The following CAND1 variants were observed in gnomAD, a reference collection of about 807,000 sequenced individuals.
CAND1 encodes cullin associated and neddylation dissociated 1.
Under a neutral mutation model 108.5 loss-of-function variants are expected in CAND1, and 7 were observed. The observed-to-expected ratio is 0.06, with a 90% CI of 0.04 to 0.12. The LOEUF (loss-of-function observed/expected upper bound fraction) is 0.12. CAND1 is among the 10% of genes least tolerant of loss of function. The pLI is 1.00. For synonymous variants in CAND1, 534 were observed against 512.0 expected (o/e 1.04, Z -0.58); for missense variants, 941 against 1,448.7 (o/e 0.65, Z 5.69).
In CAND1 at chr12:67,319,867, T is replaced by A. The variant is rs1286801080; in HGVS notation, c.*7037T>A. 1.3e-5 allele frequency: 2 copies of A among 152,230 alleles called. No homozygotes were observed. The highest frequency in any genetic ancestry group is 2.9e-5 in the Non-Finnish European group (2 of 68,022). The allele number at this position is 152,230 out of a possible 1,614,324, so 9.4% of individuals were successfully genotyped here. On this transcript the variant is annotated 3_prime_UTR_variant, in exon 15 of 15. Transcript: ENST00000545606. The stretch of plus-strand genomic sequence containing the variant: ...AATTCTTGGGCCTTCCTTCTTGCTC[T>A]ATATATGGTTTTGGATTCATTCCTT...
At chr12:67,298,902 AAGG>A (rs780510457) in intron 6 of CAND1, 45 bp from the exon 7 acceptor site, 1 of 1,110,884 alleles carries the variant, frequency 9.0e-7, no homozygotes, top group African/African-American at 1.7e-5. Context: ...GTAATGAATC[AAGG>A]AGTAAAATGC....
In CAND1 at chr12:67,316,926, T is replaced by G. The variant is rs2045012780; in HGVS notation, c.*4096T>G. 1 of 151,994 alleles carries G rather than the reference T, an allele frequency of 6.6e-6. No homozygotes were observed. Among genetic ancestry groups the G allele is most frequent in the Non-Finnish European group, 1.5e-5 (1 of 68,028 alleles). 9.4% of individuals were successfully genotyped at this position (151,994 alleles called of 1,614,324 possible). A position where few individuals can be genotyped will look rare whatever the true frequency, so the allele number is the denominator to read the frequency against. ...CACTTTGGGAGGCCAAGGTGGGGGA[T>G]CACTTGAAGACAGGAGTTGGAGACC... is the stretch of plus-strand genomic sequence containing the variant. On this transcript the variant is annotated 3_prime_UTR_variant, in exon 15 of 15. Coordinates refer to ENST00000545606, the MANE Select transcript of CAND1 (RefSeq NM_018448.5).
chr12:67,275,478 AT>A lies in CAND1; in HGVS notation c.68+5695del, dbSNP rs371998078. Among the ~76,000 whole-genome samples, 35 of 152,022 alleles carry A rather than the reference AT, an allele frequency of 2.3e-4. No homozygotes were observed. In the East Asian group the frequency reaches 4.5e-3, roughly 19 times the overall value. On this transcript the variant is annotated intron_variant, in intron 1 of 14. Coordinates refer to ENST00000545606, the MANE Select transcript of CAND1 (RefSeq NM_018448.5). ...CGAGGCAGAGGTTGCGTGAGCAGAG[AT>A]TGCACCACTGCACTGTGGCCTGGGT...
At chr12:67,283,822 T>G (rs2044642922) in intron 2 of CAND1, among the ~76,000 whole-genome samples, 1 of 152,312 alleles carries the variant, frequency 6.6e-6, no homozygotes, top group South Asian at 2.1e-4. Context: ...GTATCTTTAC[T>G]CATTAGGAAC....
chr12:67,287,187 T>C (rs939144627), intron 2 of CAND1, among the ~76,000 whole-genome samples: 3 of 152,300 alleles, frequency 2.0e-5, no homozygotes, highest in Non-Finnish European at 2.9e-5. Flanking sequence ...CCTCTCCCAA[T>C]TGTAACAATC....
rs2044886863 is a variant in CAND1 at position 67,306,452 on chromosome 12, T to C, written c.2784T>C (p.Tyr928=). 2 of 1,613,924 alleles carry C rather than the reference T, an allele frequency of 1.2e-6. No individual in the cohort carries two copies. The highest frequency in any genetic ancestry group is 2.7e-5 in the African/African-American group (2 of 74,918). ...CATCAGTGGTGGGCCTTAAACCATA[T>C]GTTGAAAACATCTGGGCCTTATTAC... ...SSASVVGLKP[Y]VENIWALLLK... Residue 928 remains tyrosine (Y), a synonymous_variant, in exon 10 of 15, where the codon TAT becomes TAC. Transcript: ENST00000545606.
Position 67,289,058 on chromosome 12 carries a change from G to A in CAND1, c.213-3564G>A, listed in dbSNP as rs540711233. Among the ~76,000 whole-genome samples the A allele has an allele frequency of 1.1e-3, 170 of 152,186 alleles. 1 individual carries two copies. The highest frequency in any genetic ancestry group is 3.8e-3 in the African/African-American group (158 of 41,494). ...TTTCAAGATTGGTGTATGTGCATAT[G>A]TATCTTCTTTATTTCTTGTTTTGTC... On this transcript the variant is annotated intron_variant, in intron 2 of 14. Transcript: ENST00000545606.
intron 4 of CAND1, 65 bp downstream of exon 4, chr12:67,295,221 C>G (rs897551228): frequency 6.3e-5 from 88 of 1,392,622 alleles, no homozygotes; most frequent in Non-Finnish European, 7.9e-5. Context: ...ACTAAAAACC[C>G]TTTCTAGTAA....
At chr12:67,274,171 G>A (rs561603772) in intron 1 of CAND1, among the ~76,000 whole-genome samples, 24 of 152,290 alleles carry the variant, frequency 1.6e-4, no homozygotes, top group African/African-American at 5.5e-4. Context: ...TTTCATGCTA[G>A]AAGATGCTTT....
At chr12:67,271,414 G>A (rs1023508686) in intron 1 of CAND1, among the ~76,000 whole-genome samples, 2 of 152,094 alleles carry the variant, frequency 1.3e-5, no homozygotes, top group African/African-American at 4.8e-5. Context: ...TCTGATTGTG[G>A]TCAATTTCAG....
In CAND1 at chr12:67,318,138, G is replaced by A. The variant is rs958553560; in HGVS notation, c.*5308G>A. 6.6e-6 allele frequency: 1 copy of A among 152,284 alleles called. No homozygotes were observed. The highest frequency in any genetic ancestry group is 2.4e-5 in the African/African-American group (1 of 41,458). The allele number at this position is 152,284 out of a possible 1,614,324, so 9.4% of individuals were successfully genotyped here. A position where few individuals can be genotyped will look rare whatever the true frequency, so the allele number is the denominator to read the frequency against. Reference sequence around the variant, plus strand: ...AAAAACACAAAGAAATTAGCTAGACGTGGTGGCACATGCCTGTAGTCCCAG... The same window carrying A: ...AAAAACACAAAGAAATTAGCTAGACATGGTGGCACATGCCTGTAGTCCCAG... On this transcript the variant is annotated 3_prime_UTR_variant, in exon 15 of 15. Transcript: ENST00000545606.
rs2044985470 is a variant in CAND1, at chr12:67,314,287, C to T, written c.*1457C>T. On this transcript the variant is annotated 3_prime_UTR_variant, in exon 15 of 15. Transcript: ENST00000545606. ...ACTTTTCCTGCTGTATTACTACCTG[C>T]TTTAACATCCAAATATACAGTGATT... is the stretch of plus-strand genomic sequence containing the variant. 1 of 152,124 alleles carries T rather than the reference C, an allele frequency of 6.6e-6. No homozygotes were observed. Among genetic ancestry groups the T allele is most frequent in the Admixed American group, 6.5e-5 (1 of 15,284 alleles). The allele number at this position is 152,124 out of a possible 1,614,324, so 9.4% of individuals were successfully genotyped here. A position where few individuals can be genotyped will look rare whatever the true frequency, so the allele number is the denominator to read the frequency against.
chr12:67,281,548 A>G (rs1301123148), intron 1 of CAND1, among the ~76,000 whole-genome samples: 1 of 152,230 alleles, frequency 6.6e-6, no homozygotes, highest in African/African-American at 2.4e-5. Flanking sequence ...TTTCTCACCT[A>G]AAAGCAGTGA....
Position 67,312,673 on chromosome 12 carries a change from C to T in CAND1, c.3536C>T (p.Ala1179Val), listed in dbSNP as rs1168299726. The change falls in exon 15 of 15, where the codon GCA becomes GTA. Residue 1179 changes from alanine (A) to valine (V), a missense_variant. Transcript: ENST00000545606. ...QDELKRSAMR[A>V]VAALLTIPEA... ...GAATTAAAGCGATCTGCCATGAGAG[C>T]AGTAGCAGCACTGCTAACCATTCCA... The T allele has an allele frequency of 6.2e-7, 1 of 1,613,388 alleles. No homozygotes were observed. The highest frequency in any genetic ancestry group is 1.7e-5 in the Admixed American group (1 of 59,932).
Position 67,304,626 on chromosome 12 carries a change from C to G in CAND1, c.1315C>G (p.Leu439Val), listed in dbSNP as rs1256830568. 1 of 1,613,580 alleles carries G rather than the reference C, an allele frequency of 6.2e-7. No homozygotes were observed. The highest frequency in any genetic ancestry group is 8.5e-7 in the Non-Finnish European group (1 of 1,179,904). ...GCAGGTTCCCAACATTGTTAAAGCT[C>G]TTCACAAACAGATGAAAGAAAAAAG... ...QSQVPNIVKALHKQMKEKSVK... is the reference protein window; with the variant it reads ...QSQVPNIVKAVHKQMKEKSVK... Residue 439 changes from leucine to valine, a missense_variant, in exon 9 of 15, where the codon CTT becomes GTT. Physicochemically the swap from Leu to Val is conservative, Grantham distance 32. Coordinates refer to ENST00000545606, the MANE Select transcript of CAND1 (RefSeq NM_018448.5).
intron 2 of CAND1, among the ~76,000 whole-genome samples, chr12:67,285,052 T>C (rs1401758052): frequency 6.6e-6 from 1 of 152,210 alleles, no homozygotes; most frequent in Non-Finnish European, 1.5e-5. Flanking sequence ...TAGCTTTTCA[T>C]ATAAGCTTTT....
chr12:67,295,701 A>T (rs1419092162), intron 4 of CAND1, among the ~76,000 whole-genome samples: 1 of 152,206 alleles, frequency 6.6e-6, no homozygotes, highest in Non-Finnish European at 1.5e-5. Context: ...CATATTCATT[A>T]TAGGCCACCA....
At chr12:67,284,391 T>C (rs1029012858) in intron 2 of CAND1, among the ~76,000 whole-genome samples, 8 of 152,204 alleles carry the variant, frequency 5.3e-5, no homozygotes, top group African/African-American at 1.9e-4. Context: ...GGCAGTTCAG[T>C]ATTATATGCT....
chr12:67,278,260 C>A (rs1248540287), intron 1 of CAND1, among the ~76,000 whole-genome samples: 1 of 152,172 alleles, frequency 6.6e-6, no homozygotes, highest in Admixed American at 6.5e-5. Context: ...CAGGTTCAAG[C>A]ATTTCCCCTG....
Sources: allele counts gnomAD v4.1 joint callset (sites outside exome capture counted in the v4.1 genomes callset), GRCh38; gene constraint gnomAD v4.1.1; transcripts MANE v1.5; gene names NCBI Gene and HGNC (gene_info 2026-07-23, HGNC 2026-07-21).